CLPB: variants seen among roughly 807,000 people sequenced by gnomAD.
The protein encoded by CLPB is mitochondrial disaggregase.
A neutral mutation model predicts 78.4 loss-of-function variants in CLPB; 40 were observed. That is an observed-to-expected ratio of 0.51 (90% CI 0.40 to 0.66). The LOEUF (loss-of-function observed/expected upper bound fraction) is 0.66, where lower values mean the gene tolerates loss of function less well. CLPB is among the 30% of genes least tolerant of loss of function. The probability of loss-of-function intolerance (pLI) is 0.00; values close to 1 mark genes in which losing one functional copy is unlikely to be tolerated. For synonymous variants in CLPB, 333 were observed against 348.0 expected (o/e 0.96, Z 0.48); for missense variants, 780 against 886.9 (o/e 0.88, Z 1.53).
chr11:72,308,504 C>G (rs1340196955), intron 8 of CLPB, 23 bp downstream of exon 8: 23 of 1,610,970 alleles, frequency 1.4e-5, no homozygotes, highest in Non-Finnish European at 1.9e-5. Flanking sequence ...TCTGTCCCCA[C>G]TGGCTGATCT....
Position 72,289,039 on chromosome 11 carries a change from C to T in CLPB, c.*4328G>A, listed in dbSNP as rs191275617. The T allele has an allele frequency of 0.017, 2,631 of 152,288 alleles. 36 individuals carry two copies. Among genetic ancestry groups the T allele is most frequent in the Non-Finnish European group, 0.028 (1,881 of 68,068 alleles). The allele number at this position is 152,288 out of a possible 1,614,324, so 9.4% of individuals were successfully genotyped here. On this transcript the variant is annotated 3_prime_UTR_variant, in exon 16 of 16. Coordinates refer to ENST00000538039, the MANE Select transcript of CLPB (RefSeq NM_001258392.3). ...CCGAGTAGCTGAGACTACAGGCGCC[C>T]GCCACCACGCCTGGCTAATTTTTGT...
chr11:72,347,389 A>C (rs1221665034), intron 5 of CLPB, among the ~76,000 whole-genome samples: 1 of 151,948 alleles, frequency 6.6e-6, no homozygotes, highest in Non-Finnish European at 1.5e-5. Context: ...CCCAGGAATT[A>C]GAGATTGGAG....
At chr11:72,352,047 A>G (rs1950623744) in intron 5 of CLPB, among the ~76,000 whole-genome samples, 1 of 152,084 alleles carries the variant, frequency 6.6e-6, no homozygotes, top group Admixed American at 6.6e-5. Flanking sequence ...GTCACTACCC[A>G]CACTCTCGAG....
intron 3 of CLPB, among the ~76,000 whole-genome samples, chr11:72,392,480 C>G (rs1169701417): frequency 6.6e-6 from 1 of 152,018 alleles, no homozygotes; most frequent in Non-Finnish European, 1.5e-5. Flanking sequence ...GTAGAGAGGG[C>G]ACAGAGAACA....
intron 6 of CLPB, among the ~76,000 whole-genome samples, chr11:72,322,120 T>A (rs1034214288): frequency 7.9e-5 from 12 of 152,044 alleles, no homozygotes; most frequent in African/African-American, 2.9e-4. Flanking sequence ...GAAAGTCTCT[T>A]AAACTAGTCC....
intron 3 of CLPB, among the ~76,000 whole-genome samples, chr11:72,381,178 A>G (rs1590872514): frequency 6.6e-6 from 1 of 152,176 alleles, no homozygotes; most frequent in South Asian, 2.1e-4. Flanking sequence ...CCTTACCCAT[A>G]TCACCCCTCC....
chr11:72,342,774 C>T (rs1454887258), intron 5 of CLPB, among the ~76,000 whole-genome samples: 2 of 152,218 alleles, frequency 1.3e-5, no homozygotes, highest in African/African-American at 4.8e-5. Context: ...GTCATAATTA[C>T]ACTGTTAACG....
intron 4 of CLPB, among the ~76,000 whole-genome samples, chr11:72,367,492 G>A (rs1950965728): frequency 6.6e-6 from 1 of 152,168 alleles, no homozygotes; most frequent in African/African-American, 2.4e-5. Context: ...GGGATTACAG[G>A]CGTGAGCCAC....
At chr11:72,395,626 C>T (rs1855382539) in intron 3 of CLPB, among the ~76,000 whole-genome samples, 1 of 152,246 alleles carries the variant, frequency 6.6e-6, no homozygotes. Flanking sequence ...ATCATTACTA[C>T]AGTCAGGAGA....
chr11:72,433,989 T>G (rs1489276794), intron 1 of CLPB, 83 bp downstream of exon 1: 6 of 1,507,768 alleles, frequency 4.0e-6, no homozygotes, highest in Non-Finnish European at 5.4e-6. Flanking sequence ...TCTAAACCTA[T>G]AAGTACCTCC....
chr11:72,372,095 C>G (rs1260378428), intron 4 of CLPB, among the ~76,000 whole-genome samples: 1 of 152,170 alleles, frequency 6.6e-6, no homozygotes, highest in Non-Finnish European at 1.5e-5. Flanking sequence ...ATGCGAAAAT[C>G]AAGCTCAGAG....
chr11:72,323,086 A>G (rs1950071563), intron 6 of CLPB, among the ~76,000 whole-genome samples: 1 of 152,212 alleles, frequency 6.6e-6, no homozygotes, highest in Non-Finnish European at 1.5e-5. Flanking sequence ...GATGAGACTT[A>G]AAACAGAAAC....
intron 2 of CLPB, among the ~76,000 whole-genome samples, chr11:72,414,886 G>A (rs1336042682): frequency 2.6e-4 from 40 of 152,178 alleles, no homozygotes; most frequent in Non-Finnish European, 1.5e-5. Context: ...TCCTCTGAAA[G>A]AAGCCCAAGT....
At chr11:72,418,680 C>T (rs894717106) in intron 2 of CLPB, among the ~76,000 whole-genome samples, 2 of 152,022 alleles carry the variant, frequency 1.3e-5, no homozygotes, top group Non-Finnish European at 2.9e-5. Context: ...CATGGCGAAA[C>T]CCTGTCTCTA....
At chr11:72,418,830 G>A (rs778663404) in intron 2 of CLPB, among the ~76,000 whole-genome samples, 4 of 149,776 alleles carry the variant, frequency 2.7e-5, no homozygotes, top group Non-Finnish European at 4.4e-5. Context: ...ACTCCACCCT[G>A]GTGACAGAGT....
Position 72,308,609 on chromosome 11 carries a change from G to A in CLPB, c.989-5C>T, listed in dbSNP as rs1949787836. On this transcript the variant is annotated splice_region_variant and splice_polypyrimidine_tract_variant and intron_variant, in intron 7 of 15. Coordinates refer to ENST00000538039, the MANE Select transcript of CLPB (RefSeq NM_001258392.3). ...CATTCTCCTTCCTCCGGATCGCTAC[G>A]GCCAAACACACAAGATCAGGGGACA... 14 of 1,613,506 alleles carry A rather than the reference G, an allele frequency of 8.7e-6. No homozygotes were observed. The highest frequency in any genetic ancestry group is 2.2e-5 in the East Asian group (1 of 44,884).
chr11:72,388,311 C>T (rs1326276742), intron 3 of CLPB, among the ~76,000 whole-genome samples: 2 of 148,034 alleles, frequency 1.4e-5, no homozygotes, highest in Non-Finnish European at 3.0e-5. Flanking sequence ...AGTGCACTGG[C>T]GCAATCTCGG....
intron 6 of CLPB, among the ~76,000 whole-genome samples, chr11:72,319,958 C>G (rs551676626): frequency 1.3e-3 from 191 of 152,342 alleles, no homozygotes; most frequent in South Asian, 2.3e-3. Flanking sequence ...TACCCTGGCT[C>G]AAGCCGAAGC....
At chr11:72,389,157 G>C (rs964239019) in intron 3 of CLPB, among the ~76,000 whole-genome samples, 1 of 152,184 alleles carries the variant, frequency 6.6e-6, no homozygotes, top group African/African-American at 2.4e-5. Context: ...CAATGGAAAT[G>C]GAATTATTTC....
Sources: gnomAD v4.1 joint callset for allele counts (sites outside exome capture counted in the v4.1 genomes callset) on GRCh38, gnomAD v4.1.1 for gene constraint, MANE v1.5 for transcripts, NCBI Gene and HGNC (gene_info 2026-07-23, HGNC 2026-07-21) for gene names.